Variants in CTNND2 observed in about 807,000 individuals in gnomAD.
CTNND2 encodes catenin delta 2.
In CTNND2, 22 loss-of-function variants were observed where a neutral mutation model predicts 144.4. The observed-to-expected ratio is 0.15, with a 90% CI of 0.11 to 0.22. The LOEUF (loss-of-function observed/expected upper bound fraction) is 0.22. CTNND2 is among the 10% of genes least tolerant of loss of function. The pLI is 1.00. For synonymous variants in CTNND2, 751 were observed against 695.6 expected (o/e 1.08, Z -1.25); for missense variants, 1,353 against 1,618.8 (o/e 0.84, Z 2.82).
chr5:10,994,325 T>G (rs1223826425), intron 18 of CTNND2, among the ~76,000 whole-genome samples: 2 of 10,286 alleles, frequency 1.9e-4, no homozygotes, highest in Non-Finnish European at 3.6e-4. Context: ...GGGGCGGGGA[T>G]GGAGGAGCGG....
At chr5:11,274,489 T>A (rs1435475429) in intron 9 of CTNND2, among the ~76,000 whole-genome samples, 3 of 151,668 alleles carry the variant, frequency 2.0e-5, no homozygotes, top group Non-Finnish European at 2.9e-5. Context: ...AGAAAAAAAA[T>A]GTTCAATATC....
intron 7 of CTNND2, among the ~76,000 whole-genome samples, chr5:11,379,751 A>G (rs1581061464): frequency 6.6e-6 from 1 of 152,048 alleles, no homozygotes; most frequent in African/African-American, 2.4e-5. Context: ...TTCTCTGCCC[A>G]TTTTTTCTTT....
intron 9 of CTNND2, among the ~76,000 whole-genome samples, chr5:11,256,300 C>T (rs1357584299): frequency 2.0e-5 from 3 of 152,048 alleles, no homozygotes; most frequent in Non-Finnish European, 4.4e-5. Flanking sequence ...TGGGTCACAC[C>T]ACTCTGAAAA....
chr5:11,669,321 A>G (rs923271219), intron 2 of CTNND2, among the ~76,000 whole-genome samples: 1 of 152,176 alleles, frequency 6.6e-6, no homozygotes, highest in Non-Finnish European at 1.5e-5. Context: ...TGTTTGGAAT[A>G]GTTTCAGAAG....
chr5:11,283,673 C>CAAAAAAAAAAAA lies in CTNND2; in HGVS notation c.1629-46862_1629-46851dup, dbSNP rs70947250. On this transcript the variant is annotated intron_variant, in intron 9 of 21. Transcript: ENST00000304623. ...TGGGTGAAAGAGTGAGACTCCGTCT[C>CAAAAAAAAAAAA]AAAAAAAAAAAAAAAAAAAAAAAAA... 7.3e-4 allele frequency among the ~76,000 whole-genome samples: 23 copies of CAAAAAAAAAAAA among 31,606 alleles called. 5 individuals are homozygous for CAAAAAAAAAAAA. The highest frequency in any genetic ancestry group is 1.2e-3 in the Non-Finnish European group (20 of 17,270). The allele number at this position is 31,606 out of a possible 152,430, so 20.7% of individuals were successfully genotyped here. A position where few individuals can be genotyped will look rare whatever the true frequency, so the allele number is the denominator to read the frequency against.
At chr5:11,368,825 C>T (rs1253175179) in intron 7 of CTNND2, among the ~76,000 whole-genome samples, 1 of 152,148 alleles carries the variant, frequency 6.6e-6, no homozygotes, top group Non-Finnish European at 1.5e-5. Context: ...TCCCCAGTTT[C>T]CTCAAGTGTA....
chr5:11,065,573 CTCTA>C (rs1747478468), intron 16 of CTNND2, among the ~76,000 whole-genome samples: 1 of 152,210 alleles, frequency 6.6e-6, no homozygotes. Context: ...TCATCACCCA[CTCTA>C]TCTCTTTTTA....
At chr5:11,337,753 CTT>C (rs1252657177) in intron 9 of CTNND2, among the ~76,000 whole-genome samples, 1 of 152,036 alleles carries the variant, frequency 6.6e-6, no homozygotes, top group Non-Finnish European at 1.5e-5. Context: ...TATCACTGTA[CTT>C]AGCATTATTG....
chr5:11,206,899 A>ACT (rs372520234), intron 10 of CTNND2, among the ~76,000 whole-genome samples: 6 of 149,822 alleles, frequency 4.0e-5, no homozygotes, highest in East Asian at 1.9e-4. Flanking sequence ...ACTTACACTT[A>ACT]CTCTCTCTCT....
chr5:11,490,294 G>A (rs1050842862), intron 3 of CTNND2, among the ~76,000 whole-genome samples: 5 of 152,260 alleles, frequency 3.3e-5, no homozygotes, highest in African/African-American at 7.2e-5. Flanking sequence ...TACTAAAAAC[G>A]TAATATATTT....
At chr5:11,751,673 T>C (rs1286008292) in intron 1 of CTNND2, among the ~76,000 whole-genome samples, 1 of 151,664 alleles carries the variant, frequency 6.6e-6, no homozygotes, top group Non-Finnish European at 1.5e-5. Context: ...TTTGCTATTG[T>C]GAACAGTGTT....
intron 7 of CTNND2, among the ~76,000 whole-genome samples, chr5:11,379,904 T>C (rs1758306081): frequency 6.6e-6 from 1 of 152,160 alleles, no homozygotes; most frequent in Admixed American, 6.5e-5. Context: ...CCTTCATGTC[T>C]CACCACCCCT....
chr5:11,855,698 G>T (rs1795219723), intron 1 of CTNND2, among the ~76,000 whole-genome samples: 1 of 152,170 alleles, frequency 6.6e-6, no homozygotes, highest in Non-Finnish European at 1.5e-5. Context: ...CTGCATAGAG[G>T]TTCCCTAAAT....
intron 2 of CTNND2, among the ~76,000 whole-genome samples, chr5:11,581,776 A>G (rs1414994596): frequency 6.6e-6 from 1 of 152,200 alleles, no homozygotes; most frequent in Non-Finnish European, 1.5e-5. Flanking sequence ...CAGGTTTCAA[A>G]TTTGATTGTT....
chr5:11,277,519 T>G (rs1187682420), intron 9 of CTNND2, among the ~76,000 whole-genome samples: 1 of 148,166 alleles, frequency 6.7e-6, no homozygotes, highest in African/African-American at 2.5e-5. Context: ...TATTTATTTA[T>G]TTATTTATTT....
At chr5:11,105,528 A>G (rs1160662402) in intron 14 of CTNND2, among the ~76,000 whole-genome samples, 2 of 138,628 alleles carry the variant, frequency 1.4e-5, no homozygotes, top group Non-Finnish European at 3.2e-5. Context: ...GCCGAAGCCG[A>G]GAGGCCCTGG....
intron 1 of CTNND2, among the ~76,000 whole-genome samples, chr5:11,791,778 G>A (rs1045808035): frequency 1.3e-5 from 2 of 152,060 alleles, no homozygotes; most frequent in African/African-American, 4.8e-5. Flanking sequence ...GCTAAACTTT[G>A]GGATCCATAA....
chr5:11,424,899 T>C (rs548043386), intron 3 of CTNND2, among the ~76,000 whole-genome samples: 1 of 152,320 alleles, frequency 6.6e-6, no homozygotes, highest in East Asian at 1.9e-4. Flanking sequence ...ATCCCTTTGT[T>C]CTTCATTCTT....
chr5:11,266,669 T>A (rs1183218415), intron 9 of CTNND2, among the ~76,000 whole-genome samples: 1 of 152,232 alleles, frequency 6.6e-6, no homozygotes, highest in Admixed American at 6.5e-5. Context: ...ATTAAGTTAA[T>A]GCACATTTAT....
Sources: gnomAD v4.1 joint callset for allele counts (sites outside exome capture counted in the v4.1 genomes callset) on GRCh38, gnomAD v4.1.1 for gene constraint, MANE v1.5 for transcripts, NCBI Gene and HGNC (gene_info 2026-07-23, HGNC 2026-07-21) for gene names.